Variants in CSMD3 observed in about 807,000 individuals in gnomAD.
CSMD3 encodes CUB and sushi domain-containing protein 3.
A neutral mutation model predicts 435.2 loss-of-function variants in CSMD3; 177 were observed. That is an observed-to-expected ratio of 0.41 (90% CI 0.36 to 0.46). The LOEUF is 0.46. CSMD3 is among the 20% of genes least tolerant of loss of function. The probability of loss-of-function intolerance (pLI) is 0.34; values close to 1 mark genes in which losing one functional copy is unlikely to be tolerated. For synonymous variants in CSMD3, 1,656 were observed against 1,520.5 expected (o/e 1.09, Z -2.07); for missense variants, 4,265 against 4,504.6 (o/e 0.95, Z 1.52).
At chr8:112,225,512 G>A (rs7836823) in intron 70 of CSMD3, among the ~76,000 whole-genome samples, 25,578 of 151,976 alleles carry the variant, frequency 0.17, 4,532 homozygotes, top group African/African-American at 0.44. Context: ...AGCCACTTTA[G>A]GAGAGGTAAT....
intron 68 of CSMD3, among the ~76,000 whole-genome samples, chr8:112,233,951 T>C (rs1246778398): frequency 1.3e-5 from 2 of 152,216 alleles, no homozygotes; most frequent in Non-Finnish European, 2.9e-5. Flanking sequence ...ACTTTGTAAA[T>C]ATGTTGCATA....
chr8:112,926,866 T>A (rs2082927875), intron 9 of CSMD3, among the ~76,000 whole-genome samples: 1 of 152,100 alleles, frequency 6.6e-6, no homozygotes, highest in African/African-American at 2.4e-5. Flanking sequence ...TGTTATTATT[T>A]TTTGGTCTAT....
intron 40 of CSMD3, among the ~76,000 whole-genome samples, chr8:112,346,506 T>C (rs2131026393): frequency 6.6e-6 from 1 of 152,218 alleles, no homozygotes; most frequent in Non-Finnish European, 1.5e-5. Flanking sequence ...CAAAGACATG[T>C]GCTTTGCCAC....
chr8:112,294,090 G>T (rs563712465), intron 54 of CSMD3, among the ~76,000 whole-genome samples: 15 of 151,918 alleles, frequency 9.9e-5, no homozygotes, highest in East Asian at 7.8e-4. Context: ...AATTTGCTTG[G>T]GGGGGGTGTA....
At chr8:112,320,425 A>C (rs988942561) in intron 45 of CSMD3, among the ~76,000 whole-genome samples, 9 of 152,156 alleles carry the variant, frequency 5.9e-5, no homozygotes, top group African/African-American at 1.9e-4. Context: ...TATTATAAAT[A>C]CTTAACTCAA....
intron 3 of CSMD3, among the ~76,000 whole-genome samples, chr8:113,234,437 G>A (rs1404468155): frequency 1.3e-5 from 2 of 151,952 alleles, no homozygotes; most frequent in Non-Finnish European, 2.9e-5. Flanking sequence ...TTCCTTAAAC[G>A]TTATGACCTT....
chr8:113,220,552 A>C (rs1271450846), intron 3 of CSMD3, among the ~76,000 whole-genome samples: 1 of 151,500 alleles, frequency 6.6e-6, no homozygotes. Context: ...TAAAATGATC[A>C]TTTATAAATA....
chr8:113,125,535 G>A (rs893896552), intron 4 of CSMD3, among the ~76,000 whole-genome samples: 1 of 151,848 alleles, frequency 6.6e-6, no homozygotes, highest in Admixed American at 6.6e-5. Flanking sequence ...GACAGGGAGT[G>A]AGAGAAAAGG....
At chr8:112,977,577 T>A (rs903604104) in intron 6 of CSMD3, among the ~76,000 whole-genome samples, 21 of 152,010 alleles carry the variant, frequency 1.4e-4, no homozygotes, top group African/African-American at 5.1e-4. Flanking sequence ...AGCCCCTCAC[T>A]CACAGGCAAA....
intron 9 of CSMD3, among the ~76,000 whole-genome samples, chr8:112,940,543 A>G (rs2130763314): frequency 6.6e-6 from 1 of 151,928 alleles, no homozygotes; most frequent in South Asian, 2.1e-4. Flanking sequence ...ATTTTTCAGC[A>G]TAGAAAATGC....
intron 5 of CSMD3, among the ~76,000 whole-genome samples, chr8:113,025,220 G>A (rs1308416990): frequency 6.6e-6 from 1 of 151,946 alleles, no homozygotes; most frequent in Non-Finnish European, 1.5e-5. Context: ...TGTGCATCTG[G>A]TAGAAGAGTC....
At chr8:113,080,682 G>A (rs912533349) in intron 5 of CSMD3, among the ~76,000 whole-genome samples, 1 of 152,244 alleles carries the variant, frequency 6.6e-6, no homozygotes, top group Non-Finnish European at 1.5e-5. Context: ...GAAAAATTAC[G>A]TTTGTTCATG....
At chr8:112,570,691 T>G (rs1288479744) in intron 24 of CSMD3, among the ~76,000 whole-genome samples, 1 of 152,112 alleles carries the variant, frequency 6.6e-6, no homozygotes, top group Non-Finnish European at 1.5e-5. Flanking sequence ...GAAGTAATAT[T>G]TAGGAACAAA....
chr8:112,773,290 C>G (rs1259716602), intron 13 of CSMD3, among the ~76,000 whole-genome samples: 1 of 151,994 alleles, frequency 6.6e-6, no homozygotes, highest in Non-Finnish European at 1.5e-5. Context: ...TGAAACAGAA[C>G]TATTATTTAC....
chr8:113,151,187 A>C (rs1025484845), intron 4 of CSMD3, among the ~76,000 whole-genome samples: 2 of 152,006 alleles, frequency 1.3e-5, no homozygotes, highest in African/African-American at 4.8e-5. Context: ...ATTCACTAAC[A>C]CAATACCACA....
chr8:113,294,531 T>C (rs1394310311), intron 2 of CSMD3, among the ~76,000 whole-genome samples: 2 of 152,152 alleles, frequency 1.3e-5, no homozygotes, highest in Non-Finnish European at 2.9e-5. Context: ...GGACTCTCAA[T>C]TAGTTTTGCT....
intron 29 of CSMD3, among the ~76,000 whole-genome samples, chr8:112,505,267 T>A (rs1014057933): frequency 1.3e-5 from 2 of 152,148 alleles, no homozygotes; most frequent in Non-Finnish European, 2.9e-5. Context: ...TTAGTTCAAT[T>A]AACTTATCCT....
intron 10 of CSMD3, among the ~76,000 whole-genome samples, chr8:112,896,707 T>C (rs2081959957): frequency 6.6e-6 from 1 of 151,492 alleles, no homozygotes; most frequent in African/African-American, 2.4e-5. Context: ...ATGTATTTTG[T>C]TTCCATTTAT....
intron 13 of CSMD3, among the ~76,000 whole-genome samples, chr8:112,703,892 A>T (rs2076443110): frequency 6.6e-6 from 1 of 152,170 alleles, no homozygotes; most frequent in African/African-American, 2.4e-5. Context: ...AATGAAAGGC[A>T]TATTTACAAT....
Sources: gnomAD v4.1 joint callset for allele counts (sites outside exome capture counted in the v4.1 genomes callset) on GRCh38, gnomAD v4.1.1 for gene constraint, MANE v1.5 for transcripts, NCBI Gene and HGNC (gene_info 2026-07-23, HGNC 2026-07-21) for gene names.